Variants in EIF4G3 observed in about 807,000 individuals in gnomAD.
EIF4G3 encodes eIF-4-gamma 3.
EIF4G3 carries 34 observed loss-of-function variants against 186.4 expected under a neutral mutation model. The observed-to-expected ratio is 0.18, with a 90% CI of 0.14 to 0.24. The LOEUF (loss-of-function observed/expected upper bound fraction) is 0.24. EIF4G3 is among the 10% of genes least tolerant of loss of function. The pLI is 1.00. For synonymous variants in EIF4G3, 673 were observed against 679.5 expected (o/e 0.99, Z 0.15); for missense variants, 1,536 against 1,948.5 (o/e 0.79, Z 3.99).
intron 2 of EIF4G3, among the ~76,000 whole-genome samples, chr1:21,111,800 C>A (rs1040674601): frequency 6.6e-6 from 1 of 152,160 alleles, no homozygotes; most frequent in Non-Finnish European, 1.5e-5. Context: ...TGTCTCTCTG[C>A]CATGAAAGCT....
intron 7 of EIF4G3, among the ~76,000 whole-genome samples, chr1:20,994,801 G>GT (rs2081937970): frequency 6.6e-6 from 1 of 151,462 alleles, no homozygotes; most frequent in African/African-American, 2.4e-5. Context: ...ACTAATTTTT[G>GT]TATTTTTATT....
intron 22 of EIF4G3, among the ~76,000 whole-genome samples, chr1:20,862,661 C>A (rs1339671963): frequency 6.6e-6 from 1 of 152,212 alleles, no homozygotes; most frequent in Admixed American, 6.5e-5. Flanking sequence ...AATCCTCCAG[C>A]CTTGGCCTCT....
At chr1:21,166,211 G>A (rs999690985) in intron 2 of EIF4G3, among the ~76,000 whole-genome samples, 2 of 149,468 alleles carry the variant, frequency 1.3e-5, no homozygotes, top group Admixed American at 6.7e-5. Flanking sequence ...AGGATCCCTT[G>A]AGCCCAGGAG....
chr1:20,842,306 CTTTT>C (rs953339519), intron 29 of EIF4G3, among the ~76,000 whole-genome samples: 3 of 152,152 alleles, frequency 2.0e-5, no homozygotes, highest in Non-Finnish European at 2.9e-5. Context: ...CGTCCTTTCT[CTTTT>C]TTGTCTTTTC....
chr1:20,810,095 T>C lies in EIF4G3; in HGVS notation c.4744+643A>G, dbSNP rs992172702. Among the ~76,000 whole-genome samples the C allele has an allele frequency of 2.0e-5, 3 of 152,048 alleles. No homozygotes were observed. Among genetic ancestry groups the C allele is most frequent in the Non-Finnish European group, 4.4e-5 (3 of 67,982 alleles). On this transcript the variant is annotated intron_variant, in intron 36 of 36. Coordinates refer to ENST00000602326, the MANE Select transcript of EIF4G3 (RefSeq NM_001391906.1). This position sits in a 1 kb window ranked among gnomAD's most constrained non-coding sequence, Gnocchi z 4.1. ...AAGTGATTCTCGTGCTTCAGCTTTC[T>C]GAGTAGCTGTAGCTGGGACTACAGG...
At chr1:20,942,681 C>T (rs149772629) in intron 13 of EIF4G3, among the ~76,000 whole-genome samples, 1 of 152,190 alleles carries the variant, frequency 6.6e-6, no homozygotes, top group Admixed American at 6.5e-5. Context: ...TCATTTCTAC[C>T]ACTTCTCGTT....
Position 20,981,237 on chromosome 1 carries a change from G to T in EIF4G3, c.199-10C>A, listed in dbSNP as rs1478865345. ...GAGGCCTCTGGAAAAACTGGGAAGGGGAGAAAAAAAAAATTTTTTTTTTTT... is the reference window on the plus strand; with the variant it reads ...GAGGCCTCTGGAAAAACTGGGAAGGTGAGAAAAAAAAAATTTTTTTTTTTT... On this transcript the variant is annotated splice_polypyrimidine_tract_variant and intron_variant, in intron 8 of 36. Coordinates refer to ENST00000602326, the MANE Select transcript of EIF4G3 (RefSeq NM_001391906.1). 1.9e-6 allele frequency: 3 copies of T among 1,555,822 alleles called. No individual in the cohort carries two copies. The African/African-American group carries it at 4.2e-5, about 22-fold the overall frequency.
chr1:21,169,971 T>C (rs1470385232), intron 2 of EIF4G3, among the ~76,000 whole-genome samples: 1 of 151,340 alleles, frequency 6.6e-6, no homozygotes, highest in Non-Finnish European at 1.5e-5. Flanking sequence ...GATCAGGAGA[T>C]TGAGAACATC....
chr1:20,958,706 G>A (rs1367669178), intron 12 of EIF4G3, among the ~76,000 whole-genome samples: 2 of 152,126 alleles, frequency 1.3e-5, no homozygotes, highest in South Asian at 2.1e-4. Flanking sequence ...TAAAGCCTCA[G>A]GTTACAAAAT....
rs752570247 is a variant in EIF4G3 at position 20,941,945 on chromosome 1, A to G, written c.1209T>C (p.Ile403=). The G allele has an allele frequency of 6.2e-6, 10 of 1,614,028 alleles. No homozygotes were observed. The South Asian group carries it at 1.1e-4, about 18-fold the overall frequency. ...TTAGGTTAGTACTAGAAACCAGTGG[A>G]ATATCATTAGGTGCTACACTACAGG... ...KKPCSVAPND[I]PLVSSTNLIN... The change falls in exon 14 of 37, where the codon ATT becomes ATC. Residue 403 remains isoleucine (I), a synonymous_variant. Coordinates refer to ENST00000602326, the MANE Select transcript of EIF4G3 (RefSeq NM_001391906.1).
At chr1:20,896,943 C>G (rs1336612729) in intron 16 of EIF4G3, among the ~76,000 whole-genome samples, 1 of 152,118 alleles carries the variant, frequency 6.6e-6, no homozygotes, top group Non-Finnish European at 1.5e-5. Flanking sequence ...GTGTAGTAGG[C>G]TAGAACATCT....
chr1:21,097,272 T>C lies in EIF4G3; in HGVS notation c.-271-8059A>G, dbSNP rs147700077. Among the ~76,000 whole-genome samples the C allele has an allele frequency of 3.4e-3, 523 of 152,280 alleles. 3 individuals carry two copies. Among genetic ancestry groups the C allele is most frequent in the African/African-American group, 0.012 (495 of 41,560 alleles). ...CGAAAAAAGGTGCTGTGTGCTAAGA[T>C]GATGCAGCTAATGATCAGACTTGTA... On this transcript the variant is annotated intron_variant, in intron 2 of 36. Coordinates refer to ENST00000602326, the MANE Select transcript of EIF4G3 (RefSeq NM_001391906.1).
At chr1:20,879,301 T>C in intron 20 of EIF4G3, 22 bp downstream of exon 20, 1 of 1,554,122 alleles carries the variant, frequency 6.4e-7, no homozygotes, top group Non-Finnish European at 8.7e-7. Flanking sequence ...ATTTCTCGTT[T>C]TACTCCTTCC....
chr1:21,174,049 AGT>A (rs2098047766), intron 2 of EIF4G3, among the ~76,000 whole-genome samples: 1 of 152,210 alleles, frequency 6.6e-6, no homozygotes, highest in African/African-American at 2.4e-5. Context: ...GTAACCTTTC[AGT>A]GTGTAAAAGC....
At chr1:20,948,633 G>C (rs2154563217) in intron 13 of EIF4G3, among the ~76,000 whole-genome samples, 1 of 152,184 alleles carries the variant, frequency 6.6e-6, no homozygotes, top group Middle Eastern at 3.4e-3. Context: ...TTATAAATGT[G>C]ATTGACTAAC....
chr1:21,041,681 T>C (rs146182163), intron 4 of EIF4G3, among the ~76,000 whole-genome samples: 2 of 152,276 alleles, frequency 1.3e-5, no homozygotes, highest in Admixed American at 6.5e-5. Context: ...ACATGAAAAG[T>C]ATAACAAAAT....
intron 2 of EIF4G3, among the ~76,000 whole-genome samples, chr1:21,114,311 T>C (rs34235411): frequency 0.011 from 1,741 of 152,254 alleles, 34 homozygotes; most frequent in Non-Finnish European, 0.014. Context: ...CATGCCCAGC[T>C]ACTCTTTGTA....
chr1:20,855,193 C>T, intron 25 of EIF4G3, 122 bp from the exon 26 acceptor site: 1 of 663,116 alleles, frequency 1.5e-6, no homozygotes, highest in East Asian at 3.1e-5. Flanking sequence ...GTTTGGAATG[C>T]CAATTTAATA....
intron 7 of EIF4G3, among the ~76,000 whole-genome samples, chr1:20,992,534 C>G (rs2081345520): frequency 6.6e-6 from 1 of 151,712 alleles, no homozygotes; most frequent in African/African-American, 2.4e-5. Context: ...ATGGCACATA[C>G]TCCTCCTCCT....
Sources: gnomAD v4.1 joint callset for allele counts (sites outside exome capture counted in the v4.1 genomes callset) on GRCh38, gnomAD v4.1.1 for gene constraint, Gnocchi (gnomAD v3.1) non-coding constraint, MANE v1.5 for transcripts, NCBI Gene and HGNC (gene_info 2026-07-23, HGNC 2026-07-21) for gene names.